The following TGFBR2 variants were observed in gnomAD, a reference collection of about 807,000 sequenced individuals.
The protein encoded by TGFBR2 is TGF-beta receptor type-2.
Under a neutral mutation model 49.0 loss-of-function variants are expected in TGFBR2, and 18 were observed. The ratio of observed to expected loss-of-function variants is 0.37; its 90% CI spans 0.25 to 0.54. The LOEUF (loss-of-function observed/expected upper bound fraction) is 0.54, where lower values mean the gene tolerates loss of function less well. Ranked by LOEUF, TGFBR2 falls within the 20% of genes least tolerant of loss-of-function variation. The pLI is 0.85. For synonymous variants in TGFBR2, 282 were observed against 275.9 expected (o/e 1.02, Z -0.22); for missense variants, 525 against 722.6 (o/e 0.73, Z 3.13).
chr3:30,663,536 A>C (rs1039196178), intron 3 of TGFBR2, among the ~76,000 whole-genome samples: 2 of 152,226 alleles, frequency 1.3e-5, no homozygotes, highest in African/African-American at 4.8e-5. Flanking sequence ...TAATTCTGCA[A>C]AAAAGCAAGG....
chr3:30,622,841 C>T (rs962729055), intron 1 of TGFBR2, among the ~76,000 whole-genome samples: 3 of 136,328 alleles, frequency 2.2e-5, no homozygotes, highest in African/African-American at 5.7e-5. Context: ...TATCGCACCA[C>T]TGCACTCCAG....
At chr3:30,671,182 T>C (rs939159243) in intron 3 of TGFBR2, among the ~76,000 whole-genome samples, 13 of 152,210 alleles carry the variant, frequency 8.5e-5, no homozygotes, top group Non-Finnish European at 1.9e-4. Context: ...GTGTGCTAAG[T>C]GCAGTTTACA....
In TGFBR2 at chr3:30,641,502, T is replaced by C. The variant is rs79763128; in HGVS notation, c.95-3245T>C. Among the ~76,000 whole-genome samples the C allele has an allele frequency of 1.2e-4, 19 of 152,316 alleles. No homozygotes were observed. The East Asian group carries it at 3.1e-3, about 25-fold the overall frequency. On this transcript the variant is annotated intron_variant, in intron 1 of 6. Coordinates refer to ENST00000295754, the MANE Select transcript of TGFBR2 (RefSeq NM_003242.6). ...GAGTCGATGGCTGGTGCTGAACATG[T>C]CCTGCATACAGGCTTTTGAAAAAAA...
At chr3:30,666,146 C>G (rs889445698) in intron 3 of TGFBR2, among the ~76,000 whole-genome samples, 8 of 152,210 alleles carry the variant, frequency 5.3e-5, no homozygotes, top group Admixed American at 5.2e-4. Flanking sequence ...CCACTGAACT[C>G]TATTTATGGA....
chr3:30,688,072 T>G (rs991173704), intron 5 of TGFBR2, among the ~76,000 whole-genome samples: 4 of 152,220 alleles, frequency 2.6e-5, no homozygotes, highest in Non-Finnish European at 5.9e-5. Context: ...AATATCCCCC[T>G]GTAGAAAATG....
chr3:30,606,668 G>A lies in TGFBR2; in HGVS notation c.-216G>A, dbSNP rs1697924216. The A allele has an allele frequency of 1.1e-5, 4 of 377,092 alleles. No homozygotes were observed. The highest frequency in any genetic ancestry group is 1.9e-5 in the Non-Finnish European group (4 of 211,754). The allele number at this position is 377,092 out of a possible 1,614,324, so 23.4% of individuals were successfully genotyped here. On this transcript the variant is annotated 5_prime_UTR_variant, in exon 1 of 7. Transcript: ENST00000295754. ...CTCGGGACAGGAGCCGGACTCCTGT[G>A]CAGCTTCCCTCGGCCGCCGGGGGCC...
intron 5 of TGFBR2, among the ~76,000 whole-genome samples, chr3:30,684,140 A>G (rs1474620194): frequency 6.6e-6 from 1 of 152,224 alleles, no homozygotes; most frequent in Non-Finnish European, 1.5e-5. Flanking sequence ...CTTAATGGCC[A>G]TAGTAGGAAA....
At chr3:30,677,177 T>C (rs1699455009) in intron 5 of TGFBR2, among the ~76,000 whole-genome samples, 1 of 152,180 alleles carries the variant, frequency 6.6e-6, no homozygotes, top group Non-Finnish European at 1.5e-5. Context: ...TATCACTGAC[T>C]AAAACCCTTG....
intron 1 of TGFBR2, among the ~76,000 whole-genome samples, chr3:30,617,099 A>G (rs1698147366): frequency 6.6e-6 from 1 of 151,608 alleles, no homozygotes; most frequent in Non-Finnish European, 1.5e-5. Flanking sequence ...AAAAAAGGAA[A>G]CTTGTCTAGA....
intron 1 of TGFBR2, among the ~76,000 whole-genome samples, chr3:30,621,420 G>A (rs1200839440): frequency 6.6e-6 from 1 of 150,884 alleles, no homozygotes; most frequent in Admixed American, 6.7e-5. Flanking sequence ...AGCTGGGATT[G>A]TAGGTGCCCA....
At position 30,692,171 on chromosome 3, in the gene TGFBR2, T is replaced by A. The variant is rs1217469342; in HGVS notation, c.*572T>A. 8.8e-6 allele frequency: 2 copies of A among 226,324 alleles called. No individual in the cohort carries two copies. The highest frequency in any genetic ancestry group is 1.8e-5 in the Non-Finnish European group (2 of 113,626). The allele number at this position is 226,324 out of a possible 1,614,324, so 14.0% of individuals were successfully genotyped here. A position where few individuals can be genotyped will look rare whatever the true frequency, so the allele number is the denominator to read the frequency against. On this transcript the variant is annotated 3_prime_UTR_variant, in exon 7 of 7. Transcript: ENST00000295754. ...ACAGCCAGCTATGACCACATTGCAC[T>A]TGCTTTTGCAAAATAATCATTCCCT...
At chr3:30,653,093 A>C (rs1008365148) in intron 3 of TGFBR2, among the ~76,000 whole-genome samples, 1 of 152,114 alleles carries the variant, frequency 6.6e-6, no homozygotes, top group Non-Finnish European at 1.5e-5. Flanking sequence ...GTCTTCTAAA[A>C]TGCTCCAGAA....
intron 1 of TGFBR2, among the ~76,000 whole-genome samples, chr3:30,607,946 A>ATT (rs371844015): frequency 7.0e-6 from 1 of 141,992 alleles, no homozygotes; most frequent in African/African-American, 2.6e-5. Flanking sequence ...CAAAAGTTAG[A>ATT]TTTTTTTTTT....
At chr3:30,621,728 G>A (rs1316785721) in intron 1 of TGFBR2, among the ~76,000 whole-genome samples, 1 of 152,210 alleles carries the variant, frequency 6.6e-6, no homozygotes, top group Non-Finnish European at 1.5e-5. Flanking sequence ...TGATGTTGGT[G>A]AGGACGTTTG....
At chr3:30,610,989 G>A (rs979549665) in intron 1 of TGFBR2, among the ~76,000 whole-genome samples, 1 of 152,168 alleles carries the variant, frequency 6.6e-6, no homozygotes, top group Non-Finnish European at 1.5e-5. Context: ...CTTTTAAGAC[G>A]TAGTTCAAGT....
intron 1 of TGFBR2, among the ~76,000 whole-genome samples, chr3:30,633,386 C>T (rs1698472051): frequency 6.6e-6 from 1 of 152,092 alleles, no homozygotes. Flanking sequence ...AGTAGATGTC[C>T]TCTGGCCTTG....
At chr3:30,630,202 A>G (rs1698410665) in intron 1 of TGFBR2, among the ~76,000 whole-genome samples, 2 of 152,204 alleles carry the variant, frequency 1.3e-5, no homozygotes. Context: ...ACGATTTTAC[A>G]CATCTGGGTT....
Position 30,645,819 on chromosome 3 carries a change from C to CCT in TGFBR2, c.263+926_263+927dup, listed in dbSNP as rs4016205. On this transcript the variant is annotated intron_variant, in intron 2 of 6. Coordinates refer to ENST00000295754, the MANE Select transcript of TGFBR2 (RefSeq NM_003242.6). Reference sequence around the variant, plus strand: ...ATATTTTTATCGGATCACATTTTCTCCTCTCTCTCTCTCTCTCTCTCTCAT... The same window carrying CCT: ...ATATTTTTATCGGATCACATTTTCTCCTCTCTCTCTCTCTCTCTCTCTCTCAT... 1.5e-3 allele frequency among the ~76,000 whole-genome samples: 218 copies of CCT among 147,922 alleles called. 2 individuals are homozygous for CCT. Among genetic ancestry groups the CCT allele is most frequent in the Middle Eastern group, 6.9e-3 (2 of 288 alleles).
At chr3:30,634,126 C>T (rs950701685) in intron 1 of TGFBR2, among the ~76,000 whole-genome samples, 1 of 152,180 alleles carries the variant, frequency 6.6e-6, no homozygotes, top group Non-Finnish European at 1.5e-5. Flanking sequence ...AAAGCCTCCA[C>T]GGAGAAATTT....
Sources: gnomAD v4.1 joint callset for allele counts (sites outside exome capture counted in the v4.1 genomes callset) on GRCh38, gnomAD v4.1.1 for gene constraint, MANE v1.5 for transcripts, NCBI Gene and HGNC (gene_info 2026-07-23, HGNC 2026-07-21) for gene names.